The following EYS variants were observed in gnomAD, a reference collection of about 807,000 sequenced individuals.
EYS encodes the protein protein eyes shut homolog.
In EYS, 250 loss-of-function variants were observed where a neutral mutation model predicts 282.1. The ratio of observed to expected loss-of-function variants is 0.89; its 90% CI spans 0.80 to 0.98. The LOEUF (loss-of-function observed/expected upper bound fraction) is 0.98. Among genes scored for constraint, EYS ranks in the 50% least tolerant of loss-of-function variants. The pLI is 0.00. For synonymous variants in EYS, 1,355 were observed against 1,282.9 expected, an observed-to-expected ratio of 1.06 and a Z score of -1.20; for missense variants, 4,016 against 3,709.0, an observed-to-expected ratio of 1.08 and a Z score of -2.15.
chr6:64,484,360 CA>C (rs112366576), intron 26 of EYS, among the ~76,000 whole-genome samples: 3,205 of 139,620 alleles, frequency 0.023, 46 homozygotes, highest in African/African-American at 0.05. Context: ...GGCATAAGAG[CA>C]AAAAAAAAAA....
rs1767463979 is a variant in EYS at position 64,896,322 on chromosome 6, G to A, written c.2846+5791C>T. 3.3e-5 allele frequency among the ~76,000 whole-genome samples: 5 copies of A among 152,222 alleles called. No individual in the cohort carries two copies. In the South Asian group the frequency reaches 8.3e-4, roughly 25 times the overall value. On this transcript the variant is annotated intron_variant, in intron 18 of 42. Coordinates refer to ENST00000503581, the MANE Select transcript of EYS (RefSeq NM_001142800.2). ...GGTGGGGCACTGCCTCACCTGGGAA[G>A]TGCAAGGGGTCAGGGGCCTCCCTCC...
At chr6:64,227,436 T>C (rs1159192838) in intron 31 of EYS, among the ~76,000 whole-genome samples, 1 of 152,102 alleles carries the variant, frequency 6.6e-6, no homozygotes, top group Non-Finnish European at 1.5e-5. Context: ...TCACATTAAA[T>C]TTGATTTTCC....
chr6:65,400,007 G>C lies in EYS; in HGVS notation c.1184+2471C>G, dbSNP rs187593065. ...TTTAAAACCTCTAGTAGGAGTTTCA[G>C]TGTTAATCTTAAGTGCAGACTTTCT... is the stretch of plus-strand genomic sequence containing the variant. On this transcript the variant is annotated intron_variant, in intron 7 of 42. Coordinates refer to ENST00000503581, the MANE Select transcript of EYS (RefSeq NM_001142800.2). Among the ~76,000 whole-genome samples, 622 of 152,126 alleles carry C rather than the reference G, an allele frequency of 4.1e-3. 5 individuals are homozygous for C. The highest frequency in any genetic ancestry group is 0.014 in the African/African-American group (589 of 41,530).
chr6:64,799,989 A>T (rs1774488005), intron 22 of EYS, among the ~76,000 whole-genome samples: 1 of 151,926 alleles, frequency 6.6e-6, no homozygotes, highest in Non-Finnish European at 1.5e-5. Flanking sequence ...AAGTTAAAAA[A>T]CTCACAATAT....
At chr6:65,277,913 C>T (rs960718577) in intron 12 of EYS, among the ~76,000 whole-genome samples, 1 of 152,090 alleles carries the variant, frequency 6.6e-6, no homozygotes, top group African/African-American at 2.4e-5. Flanking sequence ...TACTGGGCCA[C>T]ATGGTACTCA....
At chr6:64,890,569 T>C (rs1307530047) in intron 18 of EYS, among the ~76,000 whole-genome samples, 1 of 152,126 alleles carries the variant, frequency 6.6e-6, no homozygotes, top group Non-Finnish European at 1.5e-5. Context: ...CGATATGTTA[T>C]ATTCATTTTT....
At chr6:65,574,699 G>A (rs563313714) in intron 2 of EYS, among the ~76,000 whole-genome samples, 15 of 152,048 alleles carry the variant, frequency 9.9e-5, no homozygotes, top group Non-Finnish European at 8.8e-5. Flanking sequence ...TTCAAAGATG[G>A]GCAGATCATC....
At chr6:65,527,187 A>T (rs934225146) in intron 2 of EYS, among the ~76,000 whole-genome samples, 4 of 152,206 alleles carry the variant, frequency 2.6e-5, no homozygotes, top group Non-Finnish European at 1.5e-5. Context: ...CTTGTGGCCT[A>T]GGAGTAGTAT....
chr6:64,177,110 A>G (rs1386420881), intron 31 of EYS, among the ~76,000 whole-genome samples: 1 of 151,736 alleles, frequency 6.6e-6, no homozygotes, highest in Non-Finnish European at 1.5e-5. Flanking sequence ...TGGTAATTTT[A>G]TCCCTGGAAG....
intron 12 of EYS, among the ~76,000 whole-genome samples, chr6:65,277,883 C>A (rs1437678212): frequency 2.0e-5 from 3 of 151,962 alleles, no homozygotes; most frequent in African/African-American, 7.2e-5. Context: ...GATGGACTTA[C>A]AATGTTTATT....
At position 63,799,013 on chromosome 6, in the gene EYS, AT is replaced by A. The variant is rs1562031650; in HGVS notation, c.7411+7176del. On this transcript the variant is annotated intron_variant, in intron 37 of 42. Coordinates refer to ENST00000503581, the MANE Select transcript of EYS (RefSeq NM_001142800.2). ...TATATATATATATATATATATATAT[AT>A]ATATATAATTTTTTTTTTTGAGACA... is the stretch of plus-strand genomic sequence containing the variant. Among the ~76,000 whole-genome samples, 715 of 134,680 alleles carry A rather than the reference AT, an allele frequency of 5.3e-3. 9 individuals are homozygous for A. The highest frequency in any genetic ancestry group is 0.019 in the African/African-American group (668 of 34,860). 88.4% of individuals were successfully genotyped at this position (134,680 alleles called of 152,430 possible). A position where few individuals can be genotyped will look rare whatever the true frequency, so the allele number is the denominator to read the frequency against.
chr6:63,920,386 A>G (rs1764537099), intron 35 of EYS, among the ~76,000 whole-genome samples: 2 of 152,046 alleles, frequency 1.3e-5, no homozygotes, highest in Admixed American at 6.5e-5. Flanking sequence ...AAGTCAGTGT[A>G]TTTTCCTCCC....
intron 1 of EYS, among the ~76,000 whole-genome samples, chr6:65,661,646 T>C (rs1191106494): frequency 1.3e-5 from 2 of 152,054 alleles, no homozygotes; most frequent in Non-Finnish European, 2.9e-5. Flanking sequence ...CATATTGCTA[T>C]GTGAACAGAA....
chr6:64,640,905 C>G (rs1032203984), intron 22 of EYS, among the ~76,000 whole-genome samples: 1 of 152,254 alleles, frequency 6.6e-6, no homozygotes, highest in East Asian at 1.9e-4. Flanking sequence ...CTAAGGTCAG[C>G]TGCCCTATTC....
At chr6:65,535,843 G>A (rs1767945752) in intron 2 of EYS, among the ~76,000 whole-genome samples, 1 of 152,004 alleles carries the variant, frequency 6.6e-6, no homozygotes, top group African/African-American at 2.4e-5. Flanking sequence ...GAAACACCCA[G>A]AATAATGTTG....
chr6:64,307,908 A>G (rs982619490), intron 29 of EYS, among the ~76,000 whole-genome samples: 1 of 152,062 alleles, frequency 6.6e-6, no homozygotes, highest in East Asian at 1.9e-4. Flanking sequence ...CACCTTATTC[A>G]TCAAAAGTTA....
chr6:64,343,060 T>G (rs1344241600), intron 29 of EYS, among the ~76,000 whole-genome samples: 1 of 152,074 alleles, frequency 6.6e-6, no homozygotes, highest in Non-Finnish European at 1.5e-5. Flanking sequence ...ATAAAGCAAG[T>G]ACTTAGTTAC....
chr6:64,575,437 G>A (rs180973024), intron 26 of EYS, among the ~76,000 whole-genome samples: 254 of 152,250 alleles, frequency 1.7e-3, no homozygotes, highest in Non-Finnish European at 2.8e-3. Flanking sequence ...AGCAGGATGA[G>A]GAGTAAGGCT....
chr6:65,011,216 A>G (rs992572221), intron 13 of EYS, among the ~76,000 whole-genome samples: 1 of 152,236 alleles, frequency 6.6e-6, no homozygotes, highest in Non-Finnish European at 1.5e-5. Flanking sequence ...TCACTTAGGC[A>G]TAGATAGCAC....
Sources: gnomAD v4.1 joint callset for allele counts (sites outside exome capture counted in the v4.1 genomes callset) on GRCh38, gnomAD v4.1.1 for gene constraint, MANE v1.5 for transcripts, NCBI Gene and HGNC (gene_info 2026-07-23, HGNC 2026-07-21) for gene names.